DPP6: variants seen among roughly 807,000 people sequenced by gnomAD.
The protein encoded by DPP6 is A-type potassium channel modulatory protein DPP6.
DPP6 carries 69 observed loss-of-function variants against 122.6 expected under a neutral mutation model. The observed-to-expected ratio is 0.56, with a 90% CI of 0.46 to 0.69. The LOEUF (loss-of-function observed/expected upper bound fraction) is 0.69. Among genes scored for constraint, DPP6 ranks in the 30% least tolerant of loss-of-function variants. DPP6 has a pLI of 0.00. For synonymous variants in DPP6, 418 were observed against 433.1 expected, an observed-to-expected ratio of 0.97 and a Z score of 0.43; for missense variants, 928 against 1,116.9, an observed-to-expected ratio of 0.83 and a Z score of 2.41.
chr7:153,789,839 A>AC, the DPP6 span, among the ~76,000 whole-genome samples: 1 of 152,292 alleles, frequency 6.6e-6, no homozygotes, highest in African/African-American at 2.4e-5. Context: ...TTTTAAAAGG[A>AC]CGGGTGTACA....
At chr7:154,184,682 GA>G (rs11317493) in intron 1 of DPP6, among the ~76,000 whole-genome samples, 6,711 of 139,612 alleles carry the variant, frequency 0.048, 462 homozygotes, top group African/African-American at 0.16. Flanking sequence ...TTAATTTCTG[GA>G]AAAAAAAAAA....
chr7:154,857,647 T>G (rs868319195), intron 17 of DPP6, among the ~76,000 whole-genome samples: 1 of 152,240 alleles, frequency 6.6e-6, no homozygotes, highest in African/African-American at 2.4e-5. Flanking sequence ...GCATCTTGGA[T>G]GAGAAGGCAG....
Position 154,475,018 on chromosome 7 carries a change from C to T in DPP6, c.438C>T (p.Pro146=), listed in dbSNP as rs767829111. The change falls in exon 3 of 26, where the codon CCC becomes CCT. Residue 146 remains proline, a synonymous_variant. Coordinates refer to ENST00000377770, the MANE Select transcript of DPP6 (RefSeq NM_130797.4). ...GTGAAGACTTCAAAATTCATGACCCCGAGGCTAAGTGGATAAGTGGTGAGT... is the reference window on the plus strand; with the variant it reads ...GTGAAGACTTCAAAATTCATGACCCTGAGGCTAAGTGGATAAGTGGTGAGT... ...LFSEDFKIHD[P]EAKWISDTEF... is the part of the protein sequence containing the mutation. 31 of 1,613,190 alleles carry T rather than the reference C, an allele frequency of 1.9e-5. No individual in the cohort carries two copies. Among genetic ancestry groups the T allele is most frequent in the Admixed American group, 5.0e-5 (3 of 59,976 alleles).
intron 20 of DPP6, among the ~76,000 whole-genome samples, chr7:154,880,552 G>A (rs528869533): frequency 1.8e-4 from 27 of 152,278 alleles, no homozygotes; most frequent in African/African-American, 6.5e-4. Context: ...CTGGGTGGGG[G>A]CCCAATAGCA....
At chr7:154,818,092 G>A (rs946061374) in intron 16 of DPP6, among the ~76,000 whole-genome samples, 1 of 152,108 alleles carries the variant, frequency 6.6e-6, no homozygotes, top group Non-Finnish European at 1.5e-5. Flanking sequence ...TGAGGTGAAG[G>A]GGCTTATTTT....
At chr7:153,926,963 A>T (rs1393471324) in intron 1 of DPP6, among the ~76,000 whole-genome samples, 1 of 152,108 alleles carries the variant, frequency 6.6e-6, no homozygotes, top group African/African-American at 2.4e-5. Flanking sequence ...GTAAAAGTTT[A>T]CCTGAAATTC....
the DPP6 span, among the ~76,000 whole-genome samples, chr7:153,813,974 C>G: frequency 6.6e-6 from 1 of 152,012 alleles, no homozygotes; most frequent in Non-Finnish European, 1.5e-5. Context: ...CTGTAGGTTG[C>G]CTGTTCACTC....
chr7:154,530,527 A>C (rs1199832860), intron 3 of DPP6, among the ~76,000 whole-genome samples: 1 of 152,218 alleles, frequency 6.6e-6, no homozygotes, highest in Non-Finnish European at 1.5e-5. Context: ...AAAATGTAGC[A>C]CTTTTACACC....
chr7:154,393,520 C>G (rs10265605), intron 1 of DPP6, among the ~76,000 whole-genome samples: 1,714 of 150,354 alleles, frequency 0.011, 37 homozygotes, highest in African/African-American at 0.04. Context: ...TGTGGATAAG[C>G]TTTGGAGTTG....
rs1242379481 is a variant in DPP6 at position 153,945,056 on chromosome 7, A to G, written c.51+57322A>G. 2.6e-5 allele frequency among the ~76,000 whole-genome samples: 4 copies of G among 152,052 alleles called. No homozygotes were observed. In the South Asian group the frequency reaches 8.3e-4, roughly 32 times the overall value. On this transcript the variant is annotated intron_variant, in intron 1 of 25. Coordinates refer to the DPP6 transcript ENST00000404039. The stretch of plus-strand genomic sequence containing the variant: ...CACAGGTGTTGGCTTAGGGTAACTG[A>G]CTCAGGAGGGTCTTCCCGGCAGACT...
At chr7:154,615,149 A>G (rs1020374555) in intron 5 of DPP6, among the ~76,000 whole-genome samples, 12 of 152,322 alleles carry the variant, frequency 7.9e-5, no homozygotes, top group African/African-American at 2.9e-4. Flanking sequence ...GTTCTTGCCC[A>G]TCTTTATCAT....
intron 1 of DPP6, among the ~76,000 whole-genome samples, chr7:154,333,207 A>G (rs1809107822): frequency 6.6e-6 from 1 of 151,736 alleles, no homozygotes; most frequent in Non-Finnish European, 1.5e-5. Context: ...GTTTGGAGAG[A>G]TATGACATGT....
At chr7:154,569,846 C>A (rs1831001350) in intron 5 of DPP6, among the ~76,000 whole-genome samples, 2 of 151,760 alleles carry the variant, frequency 1.3e-5, no homozygotes. Flanking sequence ...GTCAAATAAT[C>A]ATAGGTTCAA....
chr7:154,229,296 A>C (rs1351164000), intron 1 of DPP6, among the ~76,000 whole-genome samples: 2 of 152,124 alleles, frequency 1.3e-5, no homozygotes. Context: ...TTCCTCTCCT[A>C]TTGCAATTCT....
At chr7:154,681,202 G>A (rs757583955) in intron 7 of DPP6, among the ~76,000 whole-genome samples, 1 of 152,130 alleles carries the variant, frequency 6.6e-6, no homozygotes, top group Non-Finnish European at 1.5e-5. Context: ...GCTTGCCCAC[G>A]TTGGCCGGTG....
At position 154,761,297 on chromosome 7, in the gene DPP6, C is replaced by T. The variant is rs115739365; in HGVS notation, c.884-8120C>T. ...TAGGGGCAGGTCTTGCTCACTCACGCGTCCATGGCTGACGCTGGCTGCTAG... is the reference window on the plus strand; with the variant it reads ...TAGGGGCAGGTCTTGCTCACTCACGTGTCCATGGCTGACGCTGGCTGCTAG... On this transcript the variant is annotated intron_variant, in intron 8 of 25. Coordinates refer to ENST00000377770, the MANE Select transcript of DPP6 (RefSeq NM_130797.4). Among the ~76,000 whole-genome samples, 1,200 of 152,318 alleles carry T rather than the reference C, an allele frequency of 7.9e-3. 14 individuals carry two copies. Among genetic ancestry groups the T allele is most frequent in the African/African-American group, 0.027 (1,127 of 41,564 alleles).
At chr7:153,996,459 C>G (rs879424344) in intron 1 of DPP6, among the ~76,000 whole-genome samples, 20 of 151,866 alleles carry the variant, frequency 1.3e-4, no homozygotes, top group Non-Finnish European at 2.6e-4. Context: ...TCTGGCCATC[C>G]TAGCAGATAG....
At position 154,002,222 on chromosome 7, in the gene DPP6, C is replaced by G. The variant is rs191550784; in HGVS notation, c.51+114488C>G. ...AGGCTTTCAGTCTTTTCATGTCATG[C>G]GTATTTTTGTATCCTACGGACAATG... On this transcript the variant is annotated intron_variant, in intron 1 of 25. Coordinates refer to the DPP6 transcript ENST00000404039. Among the ~76,000 whole-genome samples the G allele has an allele frequency of 3.8e-3, 582 of 151,936 alleles. 1 individual carries two copies. The highest frequency in any genetic ancestry group is 0.014 in the African/African-American group (562 of 41,396).
At chr7:154,006,786 A>C (rs970835525) in intron 1 of DPP6, among the ~76,000 whole-genome samples, 1 of 152,240 alleles carries the variant, frequency 6.6e-6, no homozygotes, top group Non-Finnish European at 1.5e-5. Flanking sequence ...AGCCCTCGAT[A>C]ACTAATTGTT....
Sources: gnomAD v4.1 joint callset for allele counts (sites outside exome capture counted in the v4.1 genomes callset) on GRCh38, gnomAD v4.1.1 for gene constraint, MANE v1.5 for transcripts, NCBI Gene and HGNC (gene_info 2026-07-23, HGNC 2026-07-21) for gene names.